Variants in DOCK9 observed in about 807,000 individuals in gnomAD.
The protein encoded by DOCK9 is dedicator of cytokinesis protein 9.
In DOCK9, 89 loss-of-function variants were observed where a neutral mutation model predicts 263.3. That is an observed-to-expected ratio of 0.34 (90% CI 0.28 to 0.40). The LOEUF (loss-of-function observed/expected upper bound fraction) is 0.40. Among genes scored for constraint, DOCK9 ranks in the 10% least tolerant of loss-of-function variants. The pLI is 1.00. For missense variants in DOCK9, 2,140 were observed against 2,603.4 expected (o/e 0.82, Z 3.87); for synonymous variants, 976 against 973.1 (o/e 1.00, Z -0.06).
intron 1 of DOCK9, among the ~76,000 whole-genome samples, chr13:99,074,231 G>A (rs1181787791): frequency 6.6e-6 from 1 of 152,232 alleles, no homozygotes; most frequent in Non-Finnish European, 1.5e-5. Flanking sequence ...AACTGCAGCT[G>A]CAGAACACAG....
At chr13:98,910,932 A>G (rs2049913561) in intron 9 of DOCK9, among the ~76,000 whole-genome samples, 1 of 151,978 alleles carries the variant, frequency 6.6e-6, no homozygotes, top group South Asian at 2.1e-4. Context: ...TAATGGGATG[A>G]CCAACAGTTA....
chr13:98,832,990 T>G (rs1341515484), intron 39 of DOCK9: 4 of 152,182 alleles, frequency 2.6e-5, no homozygotes, highest in Non-Finnish European at 2.9e-5. Context: ...AGTTTTTGTT[T>G]TTTTTTAGGT....
At chr13:98,910,606 T>C (rs1202753904) in intron 9 of DOCK9, among the ~76,000 whole-genome samples, 1 of 152,188 alleles carries the variant, frequency 6.6e-6, no homozygotes, top group Non-Finnish European at 1.5e-5. Context: ...TTTGGCTATG[T>C]CTTAGTCACA....
chr13:98,846,665 C>T, intron 37 of DOCK9: 2 of 758,766 alleles, frequency 2.6e-6, no homozygotes, highest in Non-Finnish European at 4.1e-6. Context: ...GAGACCAGGG[C>T]TGCAATGACA....
At position 99,070,084 on chromosome 13, in the gene DOCK9, G is replaced by A. The variant is rs138917724; in HGVS notation, c.129+16139C>T. 3.7e-3 allele frequency among the ~76,000 whole-genome samples: 565 copies of A among 152,126 alleles called. 4 individuals are homozygous for A. Among genetic ancestry groups the A allele is most frequent in the African/African-American group, 0.013 (530 of 41,476 alleles). ...TTGCATTGTTTCACAGGGGCATCCCGCCTCTATGAGCATTTAATGCAGGGC... is the reference window on the plus strand; with the variant it reads ...TTGCATTGTTTCACAGGGGCATCCCACCTCTATGAGCATTTAATGCAGGGC... On this transcript the variant is annotated intron_variant, in intron 1 of 32. Transcript: ENST00000427887.
chr13:98,824,248 C>T (rs2092428092), intron 45 of DOCK9, 150 bp downstream of exon 45: 2 of 641,332 alleles, frequency 3.1e-6, no homozygotes, highest in Admixed American at 2.7e-5. Flanking sequence ...TGCTCTGCAT[C>T]AGTTGTCTGG....
At chr13:98,912,128 T>G (rs2050153689) in intron 9 of DOCK9, among the ~76,000 whole-genome samples, 1 of 152,054 alleles carries the variant, frequency 6.6e-6, no homozygotes, top group Non-Finnish European at 1.5e-5. Flanking sequence ...CACCTCAGCC[T>G]CCCAAAGTGC....
chr13:98,888,128 T>C (rs369735664), intron 18 of DOCK9, 30 bp downstream of exon 18: 11 of 1,478,290 alleles, frequency 7.4e-6, no homozygotes, highest in African/African-American at 1.4e-5. Flanking sequence ...TCAGAATTCG[T>C]AGGTGAACAT....
chr13:98,922,374 C>T (rs1231640663), intron 5 of DOCK9, among the ~76,000 whole-genome samples: 1 of 152,174 alleles, frequency 6.6e-6, no homozygotes. Context: ...AAAGGCAAAG[C>T]TAGCTCCTGT....
At position 98,919,814 on chromosome 13, in the gene DOCK9, G is replaced by T. The variant is rs146173033; in HGVS notation, c.717+1140C>A. Among the ~76,000 whole-genome samples the T allele has an allele frequency of 4.2e-3, 635 of 152,322 alleles. 1 individual carries two copies. The highest frequency in any genetic ancestry group is 6.1e-3 in the Non-Finnish European group (418 of 68,034). ...TCCAAGTGAGAAAGCATAGAGCCCA[G>T]GTGGTGGCCCACCCACAGCAGGTGT... On this transcript the variant is annotated intron_variant, in intron 7 of 52. Coordinates refer to ENST00000682017, the MANE Select transcript of DOCK9 (RefSeq NM_001366683.2).
chr13:98,960,786 C>A (rs1046662356), intron 1 of DOCK9, among the ~76,000 whole-genome samples: 1 of 152,184 alleles, frequency 6.6e-6, no homozygotes, highest in African/African-American at 2.4e-5. Flanking sequence ...CTTGAACATG[C>A]TCTCCAGGGG....
intron 38 of DOCK9, among the ~76,000 whole-genome samples, chr13:98,842,914 A>T (rs1029626894): frequency 6.6e-6 from 1 of 152,180 alleles, no homozygotes; most frequent in African/African-American, 2.4e-5. Context: ...GGGCATGGGG[A>T]TTTGCTATTC....
intron 52 of DOCK9, among the ~76,000 whole-genome samples, chr13:98,796,027 G>A (rs1019764791): frequency 5.3e-5 from 8 of 152,110 alleles, no homozygotes; most frequent in Admixed American, 4.6e-4. Flanking sequence ...CCAAAGTGCT[G>A]GGATTACAGG....
At chr13:98,994,943 G>A (rs1202899771) in intron 1 of DOCK9, among the ~76,000 whole-genome samples, 1 of 152,116 alleles carries the variant, frequency 6.6e-6, no homozygotes, top group Non-Finnish European at 1.5e-5. Flanking sequence ...ACTTTAAATT[G>A]TAAACGAGTG....
chr13:99,013,516 T>A (rs1239494421), intron 1 of DOCK9, among the ~76,000 whole-genome samples: 1 of 152,124 alleles, frequency 6.6e-6, no homozygotes, highest in Non-Finnish European at 1.5e-5. Flanking sequence ...AAAGAATACG[T>A]CAGGTGAAGA....
At chr13:98,897,149 TC>T (rs1164309025) in intron 15 of DOCK9, among the ~76,000 whole-genome samples, 3 of 152,176 alleles carry the variant, frequency 2.0e-5, no homozygotes, top group East Asian at 1.9e-4. Context: ...CTTGAATTTG[TC>T]CCCTTCTTCC....
rs145208859 is a variant in DOCK9 at position 98,957,723 on chromosome 13, C to T, written c.127-2172G>A. Among the ~76,000 whole-genome samples the T allele has an allele frequency of 4.7e-4, 72 of 152,160 alleles. 1 individual carries two copies. In the East Asian group the frequency reaches 0.011, roughly 23 times the overall value. ...GCTTGCTGGCAAAATGAATGGATGT[C>T]GTGATTAATAACATTTTCCCTAGGA... On this transcript the variant is annotated intron_variant, in intron 1 of 52. Coordinates refer to ENST00000682017, the MANE Select transcript of DOCK9 (RefSeq NM_001366683.2).
At chr13:98,795,704 C>T (rs2089291016) in intron 52 of DOCK9, among the ~76,000 whole-genome samples, 1 of 152,108 alleles carries the variant, frequency 6.6e-6, no homozygotes, top group African/African-American at 2.4e-5. Context: ...CCATGAGTCC[C>T]TCCTGTTCTG....
At chr13:98,823,457 C>T (rs1371170597) in intron 45 of DOCK9, among the ~76,000 whole-genome samples, 4 of 152,218 alleles carry the variant, frequency 2.6e-5, no homozygotes, top group African/African-American at 7.2e-5. Context: ...TATGCCACAC[C>T]GCTGTGGCCC....
Sources: gnomAD v4.1 joint callset for allele counts (sites outside exome capture counted in the v4.1 genomes callset) on GRCh38, gnomAD v4.1.1 for gene constraint, MANE v1.5 for transcripts, NCBI Gene and HGNC (gene_info 2026-07-23, HGNC 2026-07-21) for gene names.